MAP3K20: variants seen among roughly 807,000 people sequenced by gnomAD.
The protein encoded by MAP3K20 is mitogen-activated protein kinase kinase kinase 20, also known as HCCS-4.
A neutral mutation model predicts 85.7 loss-of-function variants in MAP3K20; 40 were observed. That is an observed-to-expected ratio of 0.47 (90% confidence interval 0.36 to 0.61). The LOEUF (loss-of-function observed/expected upper bound fraction) is 0.61, where lower values mean the gene tolerates loss of function less well. Ranked by LOEUF, MAP3K20 falls within the 20% of genes least tolerant of loss-of-function variation. The pLI is 0.00. For synonymous variants in MAP3K20, 325 were observed against 327.7 expected (o/e 0.99, Z 0.09); for missense variants, 817 against 961.7 (o/e 0.85, Z 1.99).
At chr2:173,172,507 T>A (rs1690026901) in intron 3 of MAP3K20, among the ~76,000 whole-genome samples, 1 of 152,138 alleles carries the variant, frequency 6.6e-6, no homozygotes, top group Admixed American at 6.5e-5. Flanking sequence ...TCACTGATGA[T>A]CTCTCTCTGT....
intron 2 of MAP3K20, among the ~76,000 whole-genome samples, chr2:173,112,422 C>A (rs551001829): frequency 6.6e-6 from 1 of 152,002 alleles, no homozygotes; most frequent in Non-Finnish European, 1.5e-5. Flanking sequence ...CTGATTGATC[C>A]GGCTAGGACT....
chr2:173,168,107 AATAATAATAAATAAACTTTATTATTAT>A (rs1689890631), intron 2 of MAP3K20, among the ~76,000 whole-genome samples: 1 of 150,370 alleles, frequency 6.7e-6, no homozygotes. Context: ...CTTTATTTCT[AATAATAATAAATAAACTTTATTATTAT>A]TTATTATTAT....
At position 173,248,123 on chromosome 2, in the gene MAP3K20, G is replaced by C. The variant is rs188302285; in HGVS notation, c.1359+8627G>C. ...AGCTCCTGGGGCGGGGATTTTAGTAGTATAATGAGGCAAGAGGTTAGGATG... is the reference window on the plus strand; with the variant it reads ...AGCTCCTGGGGCGGGGATTTTAGTACTATAATGAGGCAAGAGGTTAGGATG... On this transcript the variant is annotated intron_variant, in intron 16 of 19. Transcript: ENST00000375213. 1.5e-3 allele frequency among the ~76,000 whole-genome samples: 230 copies of C among 152,308 alleles called. 1 individual carries two copies. Among genetic ancestry groups the C allele is most frequent in the African/African-American group, 5.3e-3 (220 of 41,562 alleles).
chr2:173,087,057 T>C (rs1687165123), intron 1 of MAP3K20, among the ~76,000 whole-genome samples: 1 of 152,244 alleles, frequency 6.6e-6, no homozygotes, highest in Admixed American at 6.5e-5. Context: ...AATGGAAGAA[T>C]AACCAGAAGC....
At chr2:173,110,820 G>A (rs138881489) in intron 2 of MAP3K20, among the ~76,000 whole-genome samples, 28 of 152,140 alleles carry the variant, frequency 1.8e-4, no homozygotes, top group African/African-American at 5.1e-4. Flanking sequence ...TTATCCACTC[G>A]TTGATTGATG....
At chr2:173,100,121 G>C (rs1399005546) in intron 2 of MAP3K20, among the ~76,000 whole-genome samples, 1 of 152,212 alleles carries the variant, frequency 6.6e-6, no homozygotes, top group Non-Finnish European at 1.5e-5. Flanking sequence ...GGCTCAGGGT[G>C]AATACAGTGG....
intron 18 of MAP3K20, among the ~76,000 whole-genome samples, chr2:173,262,398 G>A (rs747933985): frequency 6.6e-6 from 1 of 152,098 alleles, no homozygotes; most frequent in Non-Finnish European, 1.5e-5. Flanking sequence ...TCAGGAGTTC[G>A]AGACTAGCCT....
At chr2:173,242,269 T>C (rs1315271477) in intron 16 of MAP3K20, among the ~76,000 whole-genome samples, 1 of 151,276 alleles carries the variant, frequency 6.6e-6, no homozygotes, top group Non-Finnish European at 1.5e-5. Context: ...TCCGACTCCC[T>C]GGTTCAAGTG....
Position 173,106,347 on chromosome 2 carries a change from T to C in MAP3K20, c.159+15157T>C, listed in dbSNP as rs189537057. 3.6e-3 allele frequency among the ~76,000 whole-genome samples: 555 copies of C among 152,128 alleles called. 7 individuals are homozygous for C. The highest frequency in any genetic ancestry group is 0.013 in the African/African-American group (530 of 41,490). On this transcript the variant is annotated intron_variant, in intron 2 of 19. Transcript: ENST00000375213. ...GTGTGGTATTTGTGTGTAGATAGACTAGTGGAACCGAACAGAGAGTCCAGA... is the reference window on the plus strand; with the variant it reads ...GTGTGGTATTTGTGTGTAGATAGACCAGTGGAACCGAACAGAGAGTCCAGA...
intron 19 of MAP3K20, among the ~76,000 whole-genome samples, chr2:173,264,548 T>C (rs1364449886): frequency 2.6e-5 from 4 of 152,214 alleles, no homozygotes; most frequent in African/African-American, 9.6e-5. Flanking sequence ...AATTCTGCTT[T>C]GGCCAGAATG....
intron 3 of MAP3K20, among the ~76,000 whole-genome samples, chr2:173,175,700 C>T (rs1209185633): frequency 1.3e-5 from 2 of 152,130 alleles, no homozygotes; most frequent in Admixed American, 1.3e-4. Context: ...AGATGTTCTG[C>T]TGCCATTGTT....
rs1690524995 is a variant in MAP3K20 at position 173,187,571 on chromosome 2, A to G, written c.363A>G (p.Leu121=). Residue 121 remains leucine (L), a synonymous_variant, in exon 5 of 20, where the codon TTA becomes TTG. Transcript: ENST00000375213. ...TTGTGTGAAAAGGAATGCATTATTT[A>G]CATATGGAGGCTCCTGTCAAGGTGA... ...ATDVAKGMHY[L]HMEAPVKVIH... is the part of the protein sequence containing the mutation. 6.2e-7 allele frequency: 1 copy of G among 1,605,574 alleles called. No homozygotes were observed. Among genetic ancestry groups the G allele is most frequent in the Non-Finnish European group, 8.5e-7 (1 of 1,177,196 alleles).
chr2:173,223,412 AGCACCAGGCCCACGGAAAG>A (rs1684304747), intron 11 of MAP3K20: 1 of 966,278 alleles, frequency 1.0e-6, no homozygotes, highest in African/African-American at 1.8e-5. Context: ...ACTTTAACAC[AGCACCAGGCCCACGGAAAG>A]TGGCTAATGT....
At chr2:173,188,430 CAGTA>C (rs2106271845) in intron 5 of MAP3K20, among the ~76,000 whole-genome samples, 1 of 152,258 alleles carries the variant, frequency 6.6e-6, no homozygotes, top group East Asian at 1.9e-4. Flanking sequence ...TGCTCCTTCT[CAGTA>C]AGGAGGAAGC....
In MAP3K20 at chr2:173,252,607, G is replaced by A. The variant is rs571830494; in HGVS notation, c.1360-6092G>A. ...GATTTTCTAGCTAGTGGAAAGTTCC[G>A]GGTAACTACTTTTTGCTACTCGAAA... On this transcript the variant is annotated intron_variant, in intron 16 of 19. Transcript: ENST00000375213. 5.7e-4 allele frequency among the ~76,000 whole-genome samples: 87 copies of A among 152,220 alleles called. 2 individuals carry two copies. Among genetic ancestry groups the A allele is most frequent in the African/African-American group, 1.9e-3 (78 of 41,520 alleles).
chr2:173,127,755 A>T (rs1190837024), intron 2 of MAP3K20, among the ~76,000 whole-genome samples: 1 of 151,814 alleles, frequency 6.6e-6, no homozygotes, highest in Admixed American at 6.6e-5. Flanking sequence ...AAAAAGTAAG[A>T]CATAAAGGCT....
Position 173,075,957 on chromosome 2 carries a change from G to C in MAP3K20, c.-80G>C, listed in dbSNP as rs976087044. On this transcript the variant is annotated 5_prime_UTR_variant, in exon 1 of 20. Coordinates refer to ENST00000375213, the MANE Select transcript of MAP3K20 (RefSeq NM_016653.3). The stretch of plus-strand genomic sequence containing the variant: ...CCCCCGCCGCCCTCGTCGCGCGCGG[G>C]GCCTCCGCGCCCCCGGCTGCTGCTC... 1 of 985,162 alleles carries C rather than the reference G, an allele frequency of 1.0e-6. No homozygotes were observed. Among genetic ancestry groups the C allele is most frequent in the Non-Finnish European group, 1.2e-6 (1 of 829,898 alleles). 61.0% of individuals were successfully genotyped at this position (985,162 alleles called of 1,614,324 possible).
At chr2:173,179,951 A>G (rs942957069) in intron 3 of MAP3K20, among the ~76,000 whole-genome samples, 4 of 152,228 alleles carry the variant, frequency 2.6e-5, no homozygotes, top group Non-Finnish European at 5.9e-5. Flanking sequence ...AAAGTACAAA[A>G]ATTGCTGAGA....
At chr2:173,239,370 T>G (rs1234682454) in intron 15 of MAP3K20, 34 bp from the exon 16 acceptor site, 1 of 1,546,192 alleles carries the variant, frequency 6.5e-7, no homozygotes, top group East Asian at 2.3e-5. Flanking sequence ...AAAAACAACA[T>G]CTAGAATAAT....
Sources: gnomAD v4.1 joint callset for allele counts (sites outside exome capture counted in the v4.1 genomes callset) on GRCh38, gnomAD v4.1.1 for gene constraint, MANE v1.5 for transcripts, NCBI Gene and HGNC (gene_info 2026-07-23, HGNC 2026-07-21) for gene names.